The following DAB1 variants were observed in gnomAD, a reference collection of about 807,000 sequenced individuals.
The protein encoded by DAB1 is DAB adaptor protein 1, also known as disabled homolog 1.
In DAB1, 15 loss-of-function variants were observed where a neutral mutation model predicts 64.6. The ratio of observed to expected loss-of-function variants is 0.23; its 90% CI spans 0.16 to 0.36. The LOEUF (loss-of-function observed/expected upper bound fraction) is 0.36. Among genes scored for constraint, DAB1 ranks in the 10% least tolerant of loss-of-function variants. The pLI is 1.00. For synonymous variants in DAB1, 235 were observed against 251.9 expected, an observed-to-expected ratio of 0.93 and a Z score of 0.64; for missense variants, 596 against 706.7, an observed-to-expected ratio of 0.84 and a Z score of 1.78.
chr1:57,452,427 A>AT (rs577130838), intron 7 of DAB1, among the ~76,000 whole-genome samples: 2 of 151,986 alleles, frequency 1.3e-5, no homozygotes, highest in Non-Finnish European at 2.9e-5. Context: ...TGACCAGGAC[A>AT]TTTTTTTCCA....
intron 5 of DAB1, among the ~76,000 whole-genome samples, chr1:58,135,049 T>C (rs1198394812): frequency 6.6e-6 from 1 of 152,158 alleles, no homozygotes; most frequent in East Asian, 1.9e-4. Flanking sequence ...CAATCTCATA[T>C]CCTGTCTTCA....
chr1:57,490,318 G>A (rs1292393527), intron 7 of DAB1, among the ~76,000 whole-genome samples: 1 of 152,018 alleles, frequency 6.6e-6, no homozygotes, highest in African/African-American at 2.4e-5. Flanking sequence ...TAGGTTCGGT[G>A]ACCACTTCAA....
At chr1:57,802,490 C>T (rs777386525) in intron 6 of DAB1, among the ~76,000 whole-genome samples, 3 of 152,136 alleles carry the variant, frequency 2.0e-5, no homozygotes, top group Non-Finnish European at 2.9e-5. Flanking sequence ...TCGAGCCTAG[C>T]GGAGAGCTCT....
intron 4 of DAB1, among the ~76,000 whole-genome samples, chr1:58,231,840 C>T (rs1659788382): frequency 6.6e-6 from 1 of 152,150 alleles, no homozygotes; most frequent in African/African-American, 2.4e-5. Flanking sequence ...GTACTAGCTG[C>T]ACATTTTCTC....
At chr1:57,362,808 C>T (rs6665166) in intron 1 of DAB1, among the ~76,000 whole-genome samples, 79,832 of 151,918 alleles carry the variant, frequency 0.53, 21,782 homozygotes, top group African/African-American at 0.59. Context: ...ACCCAAAATA[C>T]ACACACACAA....
intron 1 of DAB1, among the ~76,000 whole-genome samples, chr1:57,355,802 G>A (rs781190796): frequency 1.9e-4 from 28 of 145,960 alleles, no homozygotes; most frequent in Non-Finnish European, 2.0e-4. Flanking sequence ...TTTTATGAAG[G>A]CAATGGAGAG....
chr1:57,588,496 G>A lies in DAB1; in HGVS notation n.625+61096C>T, dbSNP rs543464103. On this transcript the variant is annotated intron_variant and non_coding_transcript_variant, in intron 7 of 20. Coordinates refer to the DAB1 transcript ENST00000485760. ...GTAAATACCAGAGAATTAAAATCCT[G>A]AATACCAAGAAGGTTAAAGTCTTAT... Among the ~76,000 whole-genome samples the A allele has an allele frequency of 5.9e-5, 9 of 152,238 alleles. No individual in the cohort carries two copies. In the South Asian group the frequency reaches 1.9e-3, roughly 32 times the overall value.
intron 2 of DAB1, among the ~76,000 whole-genome samples, chr1:57,286,862 T>C (rs952184456): frequency 1.3e-5 from 2 of 152,090 alleles, no homozygotes; most frequent in African/African-American, 4.8e-5. Context: ...TAGAAAATAA[T>C]AGCATTACAA....
intron 1 of DAB1, among the ~76,000 whole-genome samples, chr1:57,295,135 A>G (rs1673083537): frequency 6.6e-6 from 1 of 152,132 alleles, no homozygotes; most frequent in African/African-American, 2.4e-5. Flanking sequence ...TGATGAAAAT[A>G]TTTTGGAACC....
At chr1:57,910,466 T>C (rs541117045) in intron 5 of DAB1, among the ~76,000 whole-genome samples, 1 of 152,324 alleles carries the variant, frequency 6.6e-6, no homozygotes, top group South Asian at 2.1e-4. Context: ...GGCAAGCACA[T>C]ACTTTCTTTT....
At chr1:57,465,731 G>A (rs1336089597) in intron 7 of DAB1, among the ~76,000 whole-genome samples, 1 of 152,132 alleles carries the variant, frequency 6.6e-6, no homozygotes, top group Non-Finnish European at 1.5e-5. Flanking sequence ...ACACCAGGAG[G>A]AGCTTAATCT....
At chr1:57,326,573 C>T (rs1030178558) in intron 1 of DAB1, among the ~76,000 whole-genome samples, 11 of 152,104 alleles carry the variant, frequency 7.2e-5, no homozygotes, top group Non-Finnish European at 1.0e-4. Flanking sequence ...AACAAAATAC[C>T]ATAGACTGGG....
chr1:58,357,997 A>G (rs1644127497), intron 3 of DAB1, among the ~76,000 whole-genome samples: 2 of 152,278 alleles, frequency 1.3e-5, no homozygotes, highest in African/African-American at 4.8e-5. Context: ...CCAAACCTTA[A>G]TTCAGTCTTT....
At chr1:58,479,327 T>C (rs1343648109) in intron 3 of DAB1, among the ~76,000 whole-genome samples, 1 of 152,224 alleles carries the variant, frequency 6.6e-6, no homozygotes, top group Non-Finnish European at 1.5e-5. Context: ...ATAGTTAATA[T>C]GAACCTCTTC....
chr1:57,211,794 A>G (rs1666027509), intron 2 of DAB1, among the ~76,000 whole-genome samples: 1 of 152,220 alleles, frequency 6.6e-6, no homozygotes, highest in South Asian at 2.1e-4. Context: ...TAAAAATATA[A>G]TACAGCAACT....
chr1:57,971,047 T>A (rs919469810), intron 5 of DAB1, among the ~76,000 whole-genome samples: 2 of 152,152 alleles, frequency 1.3e-5, no homozygotes, highest in African/African-American at 4.8e-5. Flanking sequence ...TGACAGTGAA[T>A]CAGGGAGGTG....
chr1:57,253,742 A>G (rs890111701), intron 2 of DAB1, among the ~76,000 whole-genome samples: 7 of 152,202 alleles, frequency 4.6e-5, no homozygotes, highest in African/African-American at 1.7e-4. Context: ...CAAAAATCTT[A>G]TTACAACCAT....
Position 58,491,150 on chromosome 1 carries a change from T to A in DAB1, n.257+14910A>T, listed in dbSNP as rs79002688. On this transcript the variant is annotated intron_variant and non_coding_transcript_variant, in intron 3 of 20. Transcript: ENST00000485760. ...AAAGAATTTTCAACCCAGAATTTCATATCCAGCCAAACTAAGCTTCATAAG... is the reference window on the plus strand; with the variant it reads ...AAAGAATTTTCAACCCAGAATTTCAAATCCAGCCAAACTAAGCTTCATAAG... Among the ~76,000 whole-genome samples the A allele has an allele frequency of 1.2e-4, 18 of 152,112 alleles. No homozygotes were observed. In the East Asian group the frequency reaches 3.3e-3, roughly 28 times the overall value.
At chr1:57,529,915 A>G (rs1644641780) in intron 7 of DAB1, among the ~76,000 whole-genome samples, 1 of 152,130 alleles carries the variant, frequency 6.6e-6, no homozygotes, top group African/African-American at 2.4e-5. Context: ...ACAGATAAGC[A>G]TCTATTCATT....
Sources: allele counts gnomAD v4.1 joint callset (sites outside exome capture counted in the v4.1 genomes callset), GRCh38; gene constraint gnomAD v4.1.1; transcripts MANE v1.5; gene names NCBI Gene and HGNC (gene_info 2026-07-23, HGNC 2026-07-21).